VAV3: variants seen among roughly 807,000 people sequenced by gnomAD.
VAV3 encodes the protein guanine nucleotide exchange factor VAV3.
VAV3 carries 94 observed loss-of-function variants against 131.2 expected under a neutral mutation model. The observed-to-expected ratio is 0.72, with a 90% CI of 0.61 to 0.85. VAV3 has a LOEUF of 0.85. VAV3 is among the 40% of genes least tolerant of loss of function. The probability of loss-of-function intolerance (pLI) is 0.00; values close to 1 mark genes in which losing one functional copy is unlikely to be tolerated. For synonymous variants in VAV3, 349 were observed against 342.0 expected, an observed-to-expected ratio of 1.02 and a Z score of -0.22; for missense variants, 939 against 1,002.7, an observed-to-expected ratio of 0.94 and a Z score of 0.86.
At chr1:107,900,280 A>G (rs1398932416) in intron 1 of VAV3, among the ~76,000 whole-genome samples, 1 of 152,214 alleles carries the variant, frequency 6.6e-6, no homozygotes, top group Non-Finnish European at 1.5e-5. Context: ...GTATATCCAT[A>G]GTATACTTTG....
chr1:107,802,401 A>T (rs1255703036), intron 2 of VAV3, among the ~76,000 whole-genome samples: 2 of 151,860 alleles, frequency 1.3e-5, no homozygotes, highest in African/African-American at 2.4e-5. Flanking sequence ...TTGAATAAAA[A>T]TGGGCATCTC....
intron 18 of VAV3, among the ~76,000 whole-genome samples, chr1:107,687,835 A>G (rs1488513181): frequency 1.3e-5 from 2 of 152,152 alleles, no homozygotes; most frequent in Non-Finnish European, 2.9e-5. Context: ...TCTGAGAGGT[A>G]ACATGGATTA....
chr1:107,658,272 A>G (rs1461154843), intron 19 of VAV3, among the ~76,000 whole-genome samples: 1 of 152,246 alleles, frequency 6.6e-6, no homozygotes. Context: ...TACAAAGGAC[A>G]TGAACTCATC....
At chr1:107,584,847 G>T (rs929722445) in intron 25 of VAV3, among the ~76,000 whole-genome samples, 1 of 152,142 alleles carries the variant, frequency 6.6e-6, no homozygotes, top group African/African-American at 2.4e-5. Flanking sequence ...AGGGATTTCA[G>T]ATTATTTATA....
intron 1 of VAV3, among the ~76,000 whole-genome samples, chr1:107,918,505 G>A (rs1385902300): frequency 2.0e-5 from 3 of 152,040 alleles, no homozygotes; most frequent in Non-Finnish European, 2.9e-5. Context: ...GGGAGGGGCT[G>A]TGGGTAAATG....
intron 15 of VAV3, among the ~76,000 whole-genome samples, chr1:107,726,230 T>G (rs2101944415): frequency 6.6e-6 from 1 of 152,206 alleles, no homozygotes; most frequent in South Asian, 2.1e-4. Context: ...TACAGATAAA[T>G]CAATCAACCT....
intron 2 of VAV3, among the ~76,000 whole-genome samples, chr1:107,818,271 G>A (rs968481354): frequency 4.6e-5 from 7 of 152,152 alleles, no homozygotes; most frequent in African/African-American, 1.2e-4. Context: ...CAGTCTCCAC[G>A]GGCCCAATAC....
chr1:107,915,308 C>T (rs748966417), intron 1 of VAV3, among the ~76,000 whole-genome samples: 1 of 152,160 alleles, frequency 6.6e-6, no homozygotes. Context: ...GGGCTCATTT[C>T]CACATCATAA....
At chr1:107,715,546 C>T (rs908198089) in intron 15 of VAV3, among the ~76,000 whole-genome samples, 1 of 152,166 alleles carries the variant, frequency 6.6e-6, no homozygotes, top group Non-Finnish European at 1.5e-5. Context: ...AATTGAGTGC[C>T]TATCATGTGA....
chr1:107,748,405 A>C (rs535770497), intron 15 of VAV3, among the ~76,000 whole-genome samples: 1 of 152,084 alleles, frequency 6.6e-6, no homozygotes, highest in South Asian at 2.1e-4. Context: ...TTTATTTTCT[A>C]CCTCTTTGTT....
At chr1:107,735,307 C>T (rs1346291879) in intron 15 of VAV3, among the ~76,000 whole-genome samples, 2 of 152,002 alleles carry the variant, frequency 1.3e-5, no homozygotes, top group Non-Finnish European at 2.9e-5. Context: ...ACTAGAGAAG[C>T]AAGAGCAAAC....
chr1:107,774,395 A>T (rs1417003480), intron 4 of VAV3, among the ~76,000 whole-genome samples: 1 of 152,170 alleles, frequency 6.6e-6, no homozygotes, highest in Admixed American at 6.5e-5. Context: ...GACCTGTAAG[A>T]ATGACATGCA....
chr1:107,879,821 A>T lies in VAV3; in HGVS notation c.205-4804T>A, dbSNP rs1228178141. Reference sequence around the variant, plus strand: ...AGGACTTAGAATTAAATAACTTTAAATTTCTTTAAATATTCAGTGTATCCA... The same window carrying T: ...AGGACTTAGAATTAAATAACTTTAATTTTCTTTAAATATTCAGTGTATCCA... On this transcript the variant is annotated intron_variant, in intron 1 of 26. Coordinates refer to ENST00000370056, the MANE Select transcript of VAV3 (RefSeq NM_006113.5). 3.9e-5 allele frequency among the ~76,000 whole-genome samples: 6 copies of T among 152,328 alleles called. No homozygotes were observed. The South Asian group carries it at 8.3e-4, about 21-fold the overall frequency.
At chr1:107,639,225 G>T (rs986574131) in intron 20 of VAV3, among the ~76,000 whole-genome samples, 2 of 151,960 alleles carry the variant, frequency 1.3e-5, no homozygotes, top group African/African-American at 4.8e-5. Context: ...AAGCCTTCTA[G>T]AAGATAACAA....
chr1:107,696,557 G>C (rs1659761326), intron 17 of VAV3, among the ~76,000 whole-genome samples: 1 of 152,074 alleles, frequency 6.6e-6, no homozygotes, highest in Non-Finnish European at 1.5e-5. Context: ...GATCCAATCA[G>C]GATCTCTTTT....
chr1:107,632,379 C>T (rs1208779256), intron 20 of VAV3, among the ~76,000 whole-genome samples: 1 of 152,088 alleles, frequency 6.6e-6, no homozygotes. Context: ...TGGTATAGCC[C>T]CACTCAGGTA....
At chr1:107,769,845 G>C (rs954769424) in intron 6 of VAV3, among the ~76,000 whole-genome samples, 1 of 151,742 alleles carries the variant, frequency 6.6e-6, no homozygotes, top group Non-Finnish European at 1.5e-5. Context: ...CATCCAATCC[G>C]GTTGGTTCTA....
intron 1 of VAV3, among the ~76,000 whole-genome samples, chr1:107,909,608 GAAATTTCCGAA>G (rs1672270910): frequency 6.6e-6 from 1 of 152,078 alleles, no homozygotes; most frequent in Non-Finnish European, 1.5e-5. Flanking sequence ...TTTAAAATGG[GAAATTTCCGAA>G]AAACTTATGG....
Position 107,683,546 on chromosome 1 carries a change from G to C in VAV3, c.1732-13C>G. The stretch of plus-strand genomic sequence containing the variant: ...CATTGGTCCGTTTCTGTGCAGTAAA[G>C]TAAAACAAAGCAAAACAAATATGTG... On this transcript the variant is annotated splice_polypyrimidine_tract_variant and intron_variant, in intron 18 of 26. Coordinates refer to ENST00000370056, the MANE Select transcript of VAV3 (RefSeq NM_006113.5). 6.2e-7 allele frequency: 1 copy of C among 1,613,396 alleles called. No individual in the cohort carries two copies. The highest frequency in any genetic ancestry group is 8.5e-7 in the Non-Finnish European group (1 of 1,179,462).
Sources: allele counts gnomAD v4.1 joint callset (sites outside exome capture counted in the v4.1 genomes callset), GRCh38; gene constraint gnomAD v4.1.1; transcripts MANE v1.5; gene names NCBI Gene and HGNC (gene_info 2026-07-23, HGNC 2026-07-21).